ACO2: variants seen among roughly 807,000 people sequenced by gnomAD.
ACO2 encodes aconitate hydratase, mitochondrial.
A neutral mutation model predicts 84.5 loss-of-function variants in ACO2; 31 were observed. That is an observed-to-expected ratio of 0.37 (90% confidence interval 0.28 to 0.50). The LOEUF (loss-of-function observed/expected upper bound fraction) is 0.50. Ranked by LOEUF, ACO2 falls within the 20% of genes least tolerant of loss-of-function variation. The pLI is 0.97. For synonymous variants in ACO2, 414 were observed against 412.7 expected, an observed-to-expected ratio of 1.00 and a Z score of -0.04; for missense variants, 685 against 1,029.3, an observed-to-expected ratio of 0.67 and a Z score of 4.58.
At chr22:41,508,170 G>C in intron 3 of ACO2, 121 bp downstream of exon 3, 3 of 1,309,582 alleles carry the variant, frequency 2.3e-6, no homozygotes, top group Admixed American at 4.9e-5. Flanking sequence ...GGATTGGTCT[G>C]CTTTTAAAAC....
chr22:41,514,685 C>T (rs2066461906), intron 4 of ACO2, among the ~76,000 whole-genome samples: 1 of 152,168 alleles, frequency 6.6e-6, no homozygotes, highest in Admixed American at 6.5e-5. Context: ...GGTGTTGCTG[C>T]CTTTCTTACC....
At chr22:41,493,964 CAGG>C (rs199617238) in intron 1 of ACO2, among the ~76,000 whole-genome samples, 2,574 of 152,218 alleles carry the variant, frequency 0.017, 80 homozygotes, top group African/African-American at 0.057. Context: ...GAGGTGGAGA[CAGG>C]AGAATTGCTT....
intron 1 of ACO2, among the ~76,000 whole-genome samples, chr22:41,496,324 A>G (rs1377674404): frequency 6.6e-6 from 1 of 152,168 alleles, no homozygotes; most frequent in Admixed American, 6.5e-5. Context: ...TCAAAAAAAA[A>G]GTAAAAGAAG....
intron 1 of ACO2, among the ~76,000 whole-genome samples, chr22:41,489,637 G>C (rs1279592304): frequency 6.6e-6 from 1 of 151,746 alleles, no homozygotes; most frequent in Non-Finnish European, 1.5e-5. Flanking sequence ...TGGAGGTAAG[G>C]TTCCAAAGCT....
intron 11 of ACO2, 134 bp from the exon 12 acceptor site, chr22:41,523,696 C>T: frequency 3.8e-6 from 3 of 796,290 alleles, no homozygotes; most frequent in Non-Finnish European, 6.2e-6. Flanking sequence ...GGAGGCAACC[C>T]TGGCAGGGCC....
chr22:41,499,219 C>T (rs1033719764), intron 1 of ACO2, among the ~76,000 whole-genome samples: 2 of 152,156 alleles, frequency 1.3e-5, no homozygotes, highest in African/African-American at 4.8e-5. Flanking sequence ...GTTGAATCTC[C>T]AGTATGTGCC....
intron 1 of ACO2, among the ~76,000 whole-genome samples, chr22:41,494,619 C>T (rs2066299017): frequency 6.6e-6 from 1 of 151,960 alleles, no homozygotes; most frequent in Admixed American, 6.6e-5. Context: ...CCACGTTGGT[C>T]AGGCTGGTCT....
chr22:41,479,240 C>T (rs2038058605), intron 1 of ACO2, among the ~76,000 whole-genome samples: 1 of 152,196 alleles, frequency 6.6e-6, no homozygotes, highest in Non-Finnish European at 1.5e-5. Context: ...GGTCCGCCCA[C>T]AGACAATGAC....
intron 11 of ACO2, 96 bp from the exon 12 acceptor site, chr22:41,523,734 G>A: frequency 8.7e-7 from 1 of 1,145,702 alleles, no homozygotes; most frequent in South Asian, 1.3e-5. Context: ...TAGGAGCTAG[G>A]CTGGGCTGCG....
At position 41,505,935 on chromosome 22, in the gene ACO2, A is replaced by G. The variant is rs2066389768; in HGVS notation, c.174-1856A>G. 1.3e-5 allele frequency among the ~76,000 whole-genome samples: 2 copies of G among 152,346 alleles called. 1 individual carries two copies. The highest frequency in any genetic ancestry group is 4.1e-4 in the South Asian group (2 of 4,828). On this transcript the variant is annotated intron_variant, in intron 2 of 17. Transcript: ENST00000216254. Reference sequence around the variant, plus strand: ...TACCTCTGTTTAAAGCTGTTTAAAAATGAAAGGCTATAGAAGTGGAAGCTG... The same window carrying G: ...TACCTCTGTTTAAAGCTGTTTAAAAGTGAAAGGCTATAGAAGTGGAAGCTG...
At chr22:41,478,313 T>C (rs929888701) in intron 1 of ACO2, among the ~76,000 whole-genome samples, 1 of 151,946 alleles carries the variant, frequency 6.6e-6, no homozygotes, top group African/African-American at 2.4e-5. Flanking sequence ...AATTTTTGTA[T>C]TTTTTGTTTT....
chr22:41,474,942 A>G (rs1261088779), intron 1 of ACO2, among the ~76,000 whole-genome samples: 2 of 151,910 alleles, frequency 1.3e-5, no homozygotes, highest in Non-Finnish European at 2.9e-5. Context: ...AATCTCATTG[A>G]TAAATTTTTG....
chr22:41,503,422 C>T (rs755299068), intron 2 of ACO2, among the ~76,000 whole-genome samples: 53 of 152,204 alleles, frequency 3.5e-4, no homozygotes, highest in Middle Eastern at 3.4e-3. Context: ...CCTCTGCCTC[C>T]CAAGTTCAAG....
chr22:41,470,607 A>G (rs899510138), intron 1 of ACO2, among the ~76,000 whole-genome samples: 33 of 145,480 alleles, frequency 2.3e-4, no homozygotes, highest in Admixed American at 1.6e-3. Context: ...CAATGGCGCA[A>G]TCTTGGCTGA....
chr22:41,498,579 A>C (rs2066331806), intron 1 of ACO2, among the ~76,000 whole-genome samples: 1 of 151,858 alleles, frequency 6.6e-6, no homozygotes, highest in African/African-American at 2.4e-5. Context: ...GCTCACTCAC[A>C]CCTGGCAAGG....
In ACO2 at chr22:41,488,646, G is replaced by A. The variant is rs146090145; in HGVS notation, c.37-11080G>A. 4.5e-4 allele frequency among the ~76,000 whole-genome samples: 69 copies of A among 152,296 alleles called. 1 individual carries two copies. The highest frequency in any genetic ancestry group is 1.5e-3 in the African/African-American group (64 of 41,554). ...TTTCACATGTGCACACATGTAGCTC[G>A]TTGCTTCCTTACCTGCATGTACATG... On this transcript the variant is annotated intron_variant, in intron 1 of 17. Transcript: ENST00000216254.
At chr22:41,511,102 C>T (rs930741203) in intron 3 of ACO2, among the ~76,000 whole-genome samples, 1 of 152,054 alleles carries the variant, frequency 6.6e-6, no homozygotes, top group Non-Finnish European at 1.5e-5. Context: ...AACTCCTGGG[C>T]TCAAGTGATC....
chr22:41,508,184 A>G, intron 3 of ACO2, 135 bp downstream of exon 3: 1 of 1,170,292 alleles, frequency 8.5e-7, no homozygotes, highest in Non-Finnish European at 1.2e-6. Flanking sequence ...TTAAAACTTG[A>G]TTTTACTTGT....
Position 41,528,698 on chromosome 22 carries a change from T to A in ACO2, c.*85T>A, listed in dbSNP as rs2066658332. The A allele has an allele frequency of 1.4e-5, 21 of 1,531,936 alleles. No homozygotes were observed. The South Asian group carries it at 2.5e-4, about 18-fold the overall frequency. 94.9% of individuals were successfully genotyped at this position (1,531,936 alleles called of 1,614,324 possible). A position where few individuals can be genotyped will look rare whatever the true frequency, so the allele number is the denominator to read the frequency against. Reference sequence around the variant, plus strand: ...GGATCCGATCCGTCCAGCCATGGCTTCCTATTCCAAGATGGTGTGACCAGA... The same window carrying A: ...GGATCCGATCCGTCCAGCCATGGCTACCTATTCCAAGATGGTGTGACCAGA... On this transcript the variant is annotated 3_prime_UTR_variant, in exon 18 of 18. Coordinates refer to ENST00000216254, the MANE Select transcript of ACO2 (RefSeq NM_001098.3).
Sources: allele counts gnomAD v4.1 joint callset (sites outside exome capture counted in the v4.1 genomes callset), GRCh38; gene constraint gnomAD v4.1.1; transcripts MANE v1.5; gene names NCBI Gene and HGNC (gene_info 2026-07-23, HGNC 2026-07-21).